SLC5A7: variants seen among roughly 807,000 people sequenced by gnomAD.
SLC5A7 encodes the protein solute carrier family 5 member 7.
SLC5A7 carries 19 observed loss-of-function variants against 55.4 expected under a neutral mutation model. That is an observed-to-expected ratio of 0.34 (90% CI 0.24 to 0.50). The LOEUF is 0.50. SLC5A7 is among the 20% of genes least tolerant of loss of function. The pLI is 0.98. For missense variants in SLC5A7, 506 were observed against 705.3 expected, an observed-to-expected ratio of 0.72 and a Z score of 3.20; for synonymous variants, 265 against 263.7, an observed-to-expected ratio of 1.00 and a Z score of -0.05.
At chr2:107,992,849 A>T in intron 3 of SLC5A7, 123 bp from the exon 4 acceptor site, 1 of 980,646 alleles carries the variant, frequency 1.0e-6, no homozygotes, top group Non-Finnish European at 1.5e-6. Flanking sequence ...CTGTGTGCAG[A>T]CTTGTTCCTC....
intron 6 of SLC5A7, among the ~76,000 whole-genome samples, chr2:108,004,644 A>G (rs1678035221): frequency 6.6e-6 from 1 of 152,226 alleles, no homozygotes; most frequent in South Asian, 2.1e-4. Flanking sequence ...TCTAGCCAAA[A>G]GTATGCTTCC....
chr2:108,000,440 T>A (rs930127989), intron 5 of SLC5A7, among the ~76,000 whole-genome samples: 2 of 151,968 alleles, frequency 1.3e-5, no homozygotes, highest in African/African-American at 2.4e-5. Flanking sequence ...ATATAATTTT[T>A]AAAAAATTTT....
At chr2:107,992,814 A>T (rs563360780) in intron 3 of SLC5A7, among the ~76,000 whole-genome samples, 158 bp from the exon 4 acceptor site, 9 of 152,340 alleles carry the variant, frequency 5.9e-5, no homozygotes, top group Non-Finnish European at 8.8e-5. Flanking sequence ...AGATTGCTAA[A>T]CCTAATATTT....
intron 8 of SLC5A7, among the ~76,000 whole-genome samples, 160 bp from the exon 9 acceptor site, chr2:108,010,072 C>T (rs1001669034): frequency 2.0e-5 from 3 of 152,130 alleles, no homozygotes; most frequent in Non-Finnish European, 2.9e-5. Flanking sequence ...TGATTGTTTG[C>T]TTTGGGTGCT....
At chr2:107,997,770 T>C in intron 4 of SLC5A7, 68 bp from the exon 5 acceptor site, 1 of 1,391,902 alleles carries the variant, frequency 7.2e-7, no homozygotes. Context: ...GAACTTTCAT[T>C]ATGTCCTTAT....
rs970940619 is a variant in SLC5A7, at chr2:107,998,039, A to G, written c.597+53A>G. The stretch of plus-strand genomic sequence containing the variant: ...CCTTTTTTTCTGTAAAAGGTAATGT[A>G]TTTTATACTAACTCATTAAAAATGA... On this transcript the variant is annotated intron_variant, in intron 5 of 8. Transcript: ENST00000264047. 1.3e-5 allele frequency: 19 copies of G among 1,511,190 alleles called. No homozygotes were observed. In the Admixed American group the frequency reaches 2.4e-4, roughly 19 times the overall value. The allele number at this position is 1,511,190 out of a possible 1,614,324, so 93.6% of individuals were successfully genotyped here. A position where few individuals can be genotyped will look rare whatever the true frequency, so the allele number is the denominator to read the frequency against.
Position 108,012,526 on chromosome 2 carries a change from T to G in SLC5A7, c.*1665T>G, listed in dbSNP as rs1678370863. 1 of 152,150 alleles carries G rather than the reference T, an allele frequency of 6.6e-6. No individual in the cohort carries two copies. The highest frequency in any genetic ancestry group is 1.5e-5 in the Non-Finnish European group (1 of 68,008). 9.4% of individuals were successfully genotyped at this position (152,150 alleles called of 1,614,324 possible). A position where few individuals can be genotyped will look rare whatever the true frequency, so the allele number is the denominator to read the frequency against. The stretch of plus-strand genomic sequence containing the variant: ...TCTTTATCATTAAACATGAATTTAA[T>G]GTCTAGGATAATTTTTAAAAGAGGA... On this transcript the variant is annotated 3_prime_UTR_variant, in exon 9 of 9. Coordinates refer to ENST00000264047, the MANE Select transcript of SLC5A7 (RefSeq NM_021815.5).
At chr2:108,009,056 G>A (rs867800659) in intron 8 of SLC5A7, among the ~76,000 whole-genome samples, 3 of 151,938 alleles carry the variant, frequency 2.0e-5, no homozygotes, top group Non-Finnish European at 2.9e-5. Flanking sequence ...GCAGGGCATG[G>A]TAAGTTGTTC....
In SLC5A7 at chr2:107,999,533, C is replaced by A. The variant is rs79842727; in HGVS notation, c.597+1547C>A. Among the ~76,000 whole-genome samples the A allele has an allele frequency of 3.7e-3, 556 of 152,220 alleles. 2 individuals are homozygous for A. The highest frequency in any genetic ancestry group is 5.6e-3 in the Non-Finnish European group (381 of 67,994). ...ATATTTTTCCTGCCACAAAATGTAG[C>A]CAAATTGATAAGGAATGGAGTTCTG... On this transcript the variant is annotated intron_variant, in intron 5 of 8. Transcript: ENST00000264047.
intron 5 of SLC5A7, 49 bp downstream of exon 5, chr2:107,998,035 A>G: frequency 6.4e-7 from 1 of 1,556,346 alleles, no homozygotes; most frequent in Non-Finnish European, 8.7e-7. Context: ...GTAAAAGGTA[A>G]TGTATTTTAT....
rs961505555 is a variant in SLC5A7 at position 107,993,244 on chromosome 2, A to T, written c.448+117A>T. On this transcript the variant is annotated intron_variant, in intron 4 of 8. Coordinates refer to ENST00000264047, the MANE Select transcript of SLC5A7 (RefSeq NM_021815.5). Reference sequence around the variant, plus strand: ...ACATTTTTATTAAAACCATATGCTGAACCATATTTATATGCATAAAAGCTT... The same window carrying T: ...ACATTTTTATTAAAACCATATGCTGTACCATATTTATATGCATAAAAGCTT... The T allele has an allele frequency of 1.4e-5, 15 of 1,092,006 alleles. No individual in the cohort carries two copies. The African/African-American group carries it at 2.2e-4, about 16-fold the overall frequency. 67.6% of individuals were successfully genotyped at this position (1,092,006 alleles called of 1,614,324 possible). A position where few individuals can be genotyped will look rare whatever the true frequency, so the allele number is the denominator to read the frequency against.
chr2:107,997,147 G>A (rs1341046018), intron 4 of SLC5A7, among the ~76,000 whole-genome samples: 3 of 152,200 alleles, frequency 2.0e-5, no homozygotes, highest in Non-Finnish European at 2.9e-5. Context: ...AATGACGTTT[G>A]GTAATGTAAT....
chr2:107,997,719 C>A, intron 4 of SLC5A7, 119 bp from the exon 5 acceptor site: 2 of 1,032,040 alleles, frequency 1.9e-6, no homozygotes, highest in Non-Finnish European at 1.3e-6. Flanking sequence ...TTTTCATCCA[C>A]TGCATTTCAT....
intron 5 of SLC5A7, among the ~76,000 whole-genome samples, 168 bp downstream of exon 5, chr2:107,998,154 C>T (rs770229770): frequency 1.8e-4 from 27 of 152,142 alleles, no homozygotes; most frequent in Non-Finnish European, 1.8e-4. Context: ...AGATGAAAAA[C>T]TCGTCATTTT....
chr2:107,991,614 T>C (rs2450279), intron 2 of SLC5A7, among the ~76,000 whole-genome samples: 122,683 of 152,076 alleles, frequency 0.81, 50,292 homozygotes, highest in African/African-American at 0.89. Flanking sequence ...TACACACATG[T>C]ACGTACACAT....
intron 6 of SLC5A7, among the ~76,000 whole-genome samples, chr2:108,002,700 C>A (rs554157718): frequency 6.6e-6 from 1 of 152,224 alleles, no homozygotes; most frequent in South Asian, 2.1e-4. Flanking sequence ...GAAAATAACA[C>A]ACTGTATTTG....
At chr2:108,007,114 C>A (rs1678154458) in intron 7 of SLC5A7, among the ~76,000 whole-genome samples, 1 of 152,190 alleles carries the variant, frequency 6.6e-6, no homozygotes, top group South Asian at 2.1e-4. Context: ...GGTGCTGTAA[C>A]TTTTAAGAGC....
chr2:107,997,806 C>T (rs1428985681), intron 4 of SLC5A7, 32 bp from the exon 5 acceptor site: 2 of 1,576,318 alleles, frequency 1.3e-6, no homozygotes, highest in Non-Finnish European at 1.7e-6. Flanking sequence ...TGTCTGGGCA[C>T]CTTGACCACA....
Position 108,010,840 on chromosome 2 carries a change from G to T in SLC5A7, c.1722G>T (p.Gly574=), listed in dbSNP as rs762662680. ...LDVDSSPEGS[G]TEDNLQ ...TTGATTCCAGTCCAGAAGGGTCTGG[G>T]ACTGAAGATAATTTACAGTGACCCC... The change falls in exon 9 of 9, where the codon GGG becomes GGT. Residue 574 remains glycine (G), a synonymous_variant. Coordinates refer to ENST00000264047, the MANE Select transcript of SLC5A7 (RefSeq NM_021815.5). The T allele has an allele frequency of 6.3e-6, 10 of 1,585,246 alleles. No homozygotes were observed. Among genetic ancestry groups the T allele is most frequent in the Middle Eastern group, 3.4e-4 (2 of 5,928 alleles).
Sources: allele counts gnomAD v4.1 joint callset (sites outside exome capture counted in the v4.1 genomes callset), GRCh38; gene constraint gnomAD v4.1.1; transcripts MANE v1.5; gene names NCBI Gene and HGNC (gene_info 2026-07-23, HGNC 2026-07-21).